CTIF: variants seen among roughly 807,000 people sequenced by gnomAD.
The protein encoded by CTIF is cap binding complex dependent translation initiation factor, also known as CBP80/20-dependent translation initiation factor.
CTIF carries 21 observed loss-of-function variants against 66.0 expected under a neutral mutation model. The observed-to-expected ratio is 0.32, with a 90% CI of 0.23 to 0.46. The LOEUF (loss-of-function observed/expected upper bound fraction) is 0.46. CTIF is among the 20% of genes least tolerant of loss of function. The pLI is 1.00. For synonymous variants in CTIF, 345 were observed against 326.4 expected, an observed-to-expected ratio of 1.06 and a Z score of -0.62; for missense variants, 739 against 812.7, an observed-to-expected ratio of 0.91 and a Z score of 1.10.
intron 1 of CTIF, among the ~76,000 whole-genome samples, chr18:48,550,949 C>T (rs138329255): frequency 6.4e-4 from 98 of 152,256 alleles, no homozygotes; most frequent in Non-Finnish European, 1.1e-3. Flanking sequence ...CGGATCTCTA[C>T]ATGTTTTCCT....
chr18:48,813,974 C>G (rs1436514470), intron 9 of CTIF, among the ~76,000 whole-genome samples: 1 of 152,172 alleles, frequency 6.6e-6, no homozygotes, highest in African/African-American at 2.4e-5. Context: ...GTCTACCAGC[C>G]AGAGACAGAT....
At chr18:48,709,843 C>T (rs2092204019) in intron 6 of CTIF, among the ~76,000 whole-genome samples, 1 of 152,216 alleles carries the variant, frequency 6.6e-6, no homozygotes, top group Non-Finnish European at 1.5e-5. Flanking sequence ...CTGCCTGGAG[C>T]CCGGAATTCA....
At chr18:48,745,185 G>C (rs2092586390) in intron 7 of CTIF, among the ~76,000 whole-genome samples, 1 of 152,174 alleles carries the variant, frequency 6.6e-6, no homozygotes, top group African/African-American at 2.4e-5. Context: ...AGAGTGACCA[G>C]TTATTTTTGT....
At chr18:48,660,760 G>A (rs2091327840) in intron 3 of CTIF, among the ~76,000 whole-genome samples, 2 of 152,332 alleles carry the variant, frequency 1.3e-5, no homozygotes, top group Non-Finnish European at 2.9e-5. Flanking sequence ...TAGTAGCCAA[G>A]ATGCCAACCT....
At position 48,627,637 on chromosome 18, in the gene CTIF, T is replaced by A. The variant is rs35535907; in HGVS notation, c.180+7892T>A. Among the ~76,000 whole-genome samples, 574 of 152,130 alleles carry A rather than the reference T, an allele frequency of 3.8e-3. 4 individuals are homozygous for A. The highest frequency in any genetic ancestry group is 6.9e-3 in the Non-Finnish European group (467 of 68,004). Reference sequence around the variant, plus strand: ...GGGAGGCTGAGGTGGGAGGATCACCTGAGCCCAGGACCCAGAGGTTGCAGT... The same window carrying A: ...GGGAGGCTGAGGTGGGAGGATCACCAGAGCCCAGGACCCAGAGGTTGCAGT... On this transcript the variant is annotated intron_variant, in intron 2 of 11. Coordinates refer to ENST00000256413, the MANE Select transcript of CTIF (RefSeq NM_014772.3).
chr18:48,542,119 T>C (rs1022031421), intron 1 of CTIF, among the ~76,000 whole-genome samples: 2 of 152,358 alleles, frequency 1.3e-5, no homozygotes, highest in East Asian at 3.9e-4. Flanking sequence ...AAAACACTCT[T>C]GATTTGTTAA....
chr18:48,721,994 G>T lies in CTIF; in HGVS notation c.584+10299G>T, dbSNP rs551053665. Among the ~76,000 whole-genome samples the T allele has an allele frequency of 2.4e-4, 36 of 152,316 alleles. 1 individual carries two copies. In the South Asian group the frequency reaches 7.3e-3, roughly 31 times the overall value. ...GGGATATTCCATTCCTTAACCATGG[G>T]ATGGGAAAGACAGTTCTGAAAGACA... On this transcript the variant is annotated intron_variant, in intron 7 of 11. Coordinates refer to ENST00000256413, the MANE Select transcript of CTIF (RefSeq NM_014772.3).
intron 3 of CTIF, among the ~76,000 whole-genome samples, chr18:48,653,318 A>G (rs1346054999): frequency 4.6e-5 from 7 of 152,334 alleles, no homozygotes; most frequent in Middle Eastern, 6.8e-3. Flanking sequence ...AATCACAAGC[A>G]TTCCTATACA....
chr18:48,583,143 G>A (rs2089696647), intron 1 of CTIF, among the ~76,000 whole-genome samples: 2 of 152,174 alleles, frequency 1.3e-5, no homozygotes, highest in Non-Finnish European at 2.9e-5. Context: ...GACAAAGCCT[G>A]AGCACAGCCC....
intron 6 of CTIF, among the ~76,000 whole-genome samples, chr18:48,698,007 G>A (rs541891805): frequency 3.1e-4 from 46 of 148,540 alleles, no homozygotes; most frequent in Admixed American, 1.8e-3. Flanking sequence ...CAGGTCAAGC[G>A]TGGGGTATGA....
chr18:48,838,711 T>C (rs1010700557), intron 10 of CTIF, among the ~76,000 whole-genome samples: 2 of 152,168 alleles, frequency 1.3e-5, no homozygotes, highest in African/African-American at 4.8e-5. Flanking sequence ...CTCCAACACT[T>C]CATTTATTTG....
At chr18:48,714,224 G>A (rs1219828254) in intron 7 of CTIF, among the ~76,000 whole-genome samples, 1 of 152,200 alleles carries the variant, frequency 6.6e-6, no homozygotes, top group African/African-American at 2.4e-5. Context: ...GTCCATACTT[G>A]TGTGCAGCAG....
At chr18:48,645,232 C>T (rs28489246) in intron 3 of CTIF, among the ~76,000 whole-genome samples, 6,790 of 136,606 alleles carry the variant, frequency 0.05, 194 homozygotes, top group South Asian at 0.13. Flanking sequence ...TTCTTTTTGC[C>T]TCATGTGTCC....
chr18:48,743,565 A>G (rs1357141523), intron 7 of CTIF, among the ~76,000 whole-genome samples: 1 of 152,244 alleles, frequency 6.6e-6, no homozygotes, highest in Non-Finnish European at 1.5e-5. Flanking sequence ...ATTTCTTTGT[A>G]GAAAATCATG....
intron 1 of CTIF, among the ~76,000 whole-genome samples, chr18:48,544,178 A>G (rs1488286896): frequency 6.6e-6 from 1 of 152,260 alleles, no homozygotes; most frequent in Non-Finnish European, 1.5e-5. Context: ...AAGGTTGGAT[A>G]GTGGTTGGTT....
chr18:48,722,228 T>C (rs1408609860), intron 7 of CTIF, among the ~76,000 whole-genome samples: 2 of 129,996 alleles, frequency 1.5e-5, no homozygotes, highest in Non-Finnish European at 3.3e-5. Flanking sequence ...TTTTTTTTTT[T>C]TTGTGAGACA....
At chr18:48,681,711 C>T (rs983556457) in intron 6 of CTIF, among the ~76,000 whole-genome samples, 1 of 152,188 alleles carries the variant, frequency 6.6e-6, no homozygotes, top group Non-Finnish European at 1.5e-5. Context: ...GATCCAGCAG[C>T]ACCAGTTGCC....
chr18:48,678,505 C>T (rs1182101004), intron 6 of CTIF, among the ~76,000 whole-genome samples: 1 of 152,006 alleles, frequency 6.6e-6, no homozygotes, highest in African/African-American at 2.4e-5. Context: ...GGTTTCCTGT[C>T]TGAGACCTCC....
intron 1 of CTIF, among the ~76,000 whole-genome samples, chr18:48,613,989 G>T (rs376952015): frequency 1.6e-4 from 25 of 152,312 alleles, no homozygotes; most frequent in African/African-American, 6.0e-4. Context: ...ACCTGGCAGG[G>T]AATCGGAGCA....
Sources: gnomAD v4.1 joint callset for allele counts (sites outside exome capture counted in the v4.1 genomes callset) on GRCh38, gnomAD v4.1.1 for gene constraint, MANE v1.5 for transcripts, NCBI Gene and HGNC (gene_info 2026-07-23, HGNC 2026-07-21) for gene names.